Variants in NBAS observed in about 807,000 individuals in gnomAD.
NBAS encodes the protein NBAS subunit of NRZ tethering complex, also known as NAG/BC035112 fusion.
A neutral mutation model predicts 302.5 loss-of-function variants in NBAS; 219 were observed. The ratio of observed to expected loss-of-function variants is 0.72; its 90% CI spans 0.65 to 0.81. NBAS has a LOEUF of 0.81. NBAS is among the 30% of genes least tolerant of loss of function. NBAS has a pLI of 0.00. For missense variants in NBAS, 2,932 were observed against 2,841.6 expected (o/e 1.03, Z -0.72); for synonymous variants, 1,118 against 1,021.6 (o/e 1.09, Z -1.80).
At chr2:15,232,909 C>A (rs926179348) in intron 46 of NBAS, among the ~76,000 whole-genome samples, 1 of 151,042 alleles carries the variant, frequency 6.6e-6, no homozygotes, top group African/African-American at 2.4e-5. Flanking sequence ...TAATAAGTAC[C>A]AGGCAATGCT....
chr2:15,118,540 G>T, the NBAS span, among the ~76,000 whole-genome samples: 20,659 of 152,088 alleles, frequency 0.14, 2,668 homozygotes, highest in African/African-American at 0.33. Flanking sequence ...CTCCACCAGT[G>T]CCAGGCCTCA....
the NBAS span, among the ~76,000 whole-genome samples, chr2:15,088,646 T>C: frequency 6.6e-6 from 1 of 152,322 alleles, no homozygotes; most frequent in Admixed American, 6.5e-5. Flanking sequence ...CGATTTCCTC[T>C]GTAGGCTTTC....
At position 15,515,013 on chromosome 2, in the gene NBAS, T is replaced by C. The variant is rs111922211; in HGVS notation, c.747-3663A>G. Among the ~76,000 whole-genome samples the C allele has an allele frequency of 1.2e-4, 18 of 152,310 alleles. No individual in the cohort carries two copies. In the South Asian group the frequency reaches 1.4e-3, roughly 12 times the overall value. ...TCATGTGTTGTTCCAATCAGACAGA[T>C]AGCAGCTTTAGGACACTGATGCTCC... On this transcript the variant is annotated intron_variant, in intron 9 of 51. Transcript: ENST00000281513.
intron 35 of NBAS, among the ~76,000 whole-genome samples, chr2:15,332,457 C>A (rs57422553): frequency 0.016 from 2,408 of 151,970 alleles, 68 homozygotes; most frequent in African/African-American, 0.054. Flanking sequence ...CATATGTAAG[C>A]TATATTAACC....
the NBAS span, among the ~76,000 whole-genome samples, chr2:14,959,559 G>A: frequency 1.8e-3 from 281 of 152,204 alleles, 1 homozygote; most frequent in African/African-American, 6.6e-3. Flanking sequence ...ACACACATAA[G>A]ACCCTCCATT....
At chr2:14,877,320 A>AC in the NBAS span, among the ~76,000 whole-genome samples, 2 of 149,858 alleles carry the variant, frequency 1.3e-5, no homozygotes, top group East Asian at 2.0e-4. Flanking sequence ...TTTACATTCC[A>AC]CCCCCCTTGA....
At chr2:15,530,117 C>A (rs1663151337) in intron 9 of NBAS, among the ~76,000 whole-genome samples, 1 of 152,040 alleles carries the variant, frequency 6.6e-6, no homozygotes, top group African/African-American at 2.4e-5. Flanking sequence ...TATCAAACTT[C>A]TTAAGGATAA....
At chr2:15,236,421 C>T (rs888472926) in intron 45 of NBAS, among the ~76,000 whole-genome samples, 3 of 147,020 alleles carry the variant, frequency 2.0e-5, no homozygotes, top group African/African-American at 7.6e-5. Flanking sequence ...TGGTGGCACA[C>T]ACCTGTAGTC....
chr2:14,824,161 T>C, the NBAS span, among the ~76,000 whole-genome samples: 1 of 152,182 alleles, frequency 6.6e-6, no homozygotes, highest in African/African-American at 2.4e-5. Context: ...CTAGAAAACG[T>C]GCCCAAATTT....
At chr2:15,388,863 G>A (rs190630631) in intron 28 of NBAS, among the ~76,000 whole-genome samples, 4 of 152,006 alleles carry the variant, frequency 2.6e-5, no homozygotes, top group African/African-American at 4.8e-5. Flanking sequence ...ACATAACGTC[G>A]AGAGAAAGAA....
the NBAS span, among the ~76,000 whole-genome samples, chr2:14,967,987 G>A: frequency 1.3e-5 from 2 of 152,156 alleles, no homozygotes; most frequent in African/African-American, 2.4e-5. Flanking sequence ...GCATGTGTGT[G>A]AGAACCTCCC....
At chr2:14,871,775 T>G in the NBAS span, among the ~76,000 whole-genome samples, 1 of 152,054 alleles carries the variant, frequency 6.6e-6, no homozygotes, top group Non-Finnish European at 1.5e-5. Flanking sequence ...AATATAATAA[T>G]GAAATTTTAA....
intron 11 of NBAS, among the ~76,000 whole-genome samples, chr2:15,502,082 A>T (rs1054464221): frequency 2.0e-5 from 3 of 152,240 alleles, no homozygotes; most frequent in Non-Finnish European, 4.4e-5. Flanking sequence ...AAGGTTTAAG[A>T]CAATAACCAA....
intron 42 of NBAS, among the ~76,000 whole-genome samples, chr2:15,282,296 A>G (rs1291643250): frequency 1.3e-5 from 2 of 152,326 alleles, no homozygotes; most frequent in African/African-American, 2.4e-5. Flanking sequence ...AAGAAGAGAC[A>G]TAAGGGCCAG....
At chr2:15,050,447 C>T in the NBAS span, among the ~76,000 whole-genome samples, 2 of 152,066 alleles carry the variant, frequency 1.3e-5, no homozygotes, top group Non-Finnish European at 2.9e-5. Flanking sequence ...CAAACCACAC[C>T]CAGCAAGGTC....
intron 24 of NBAS, among the ~76,000 whole-genome samples, chr2:15,417,095 G>C (rs1016569557): frequency 2.0e-5 from 3 of 152,108 alleles, no homozygotes; most frequent in Admixed American, 6.5e-5. Flanking sequence ...AGAATTACTG[G>C]GAAAATTCTC....
At chr2:14,828,183 A>G in the NBAS span, among the ~76,000 whole-genome samples, 2 of 152,312 alleles carry the variant, frequency 1.3e-5, no homozygotes, top group Non-Finnish European at 2.9e-5. Flanking sequence ...CTTCTAGAAA[A>G]AAAATAGATA....
At chr2:15,405,668 A>G (rs1403748126) in intron 25 of NBAS, among the ~76,000 whole-genome samples, 1 of 152,222 alleles carries the variant, frequency 6.6e-6, no homozygotes, top group Admixed American at 6.5e-5. Flanking sequence ...ATACAACTAG[A>G]AAAGAACACA....
At chr2:14,869,989 C>T in the NBAS span, among the ~76,000 whole-genome samples, 1 of 152,132 alleles carries the variant, frequency 6.6e-6, no homozygotes, top group South Asian at 2.1e-4. Flanking sequence ...AATCAAGTAA[C>T]AAAAACTGGG....
Sources: allele counts gnomAD v4.1 joint callset (sites outside exome capture counted in the v4.1 genomes callset), GRCh38; gene constraint gnomAD v4.1.1; transcripts MANE v1.5; gene names NCBI Gene and HGNC (gene_info 2026-07-23, HGNC 2026-07-21).